The following NHS variants were observed in gnomAD, a reference collection of about 807,000 sequenced individuals.
The protein encoded by NHS is NHS actin remodeling regulator.
Under a neutral mutation model 72.5 loss-of-function variants are expected in NHS, and 5 were observed. That is an observed-to-expected ratio of 0.07 (90% confidence interval 0.04 to 0.14). NHS has a LOEUF of 0.14. Ranked by LOEUF, NHS falls within the 10% of genes least tolerant of loss-of-function variation. The pLI is 1.00. For missense variants in NHS, 1,072 were observed against 1,355.7 expected, an observed-to-expected ratio of 0.79 and a Z score of 3.29; for synonymous variants, 464 against 547.7, an observed-to-expected ratio of 0.85 and a Z score of 2.13.
intron 1 of NHS, among the ~76,000 whole-genome samples, chrX:17,488,259 T>C (rs2146914521): frequency 8.9e-6 from 1 of 112,109 alleles, no homozygotes. Flanking sequence ...TCTGTCATAC[T>C]AGAGTCAGGG....
chrX:17,612,941 G>C (rs1764758291), intron 1 of NHS, among the ~76,000 whole-genome samples: 1 of 111,332 alleles, frequency 9.0e-6, no homozygotes, highest in African/African-American at 3.3e-5. Flanking sequence ...CATCCCCTTG[G>C]CTGCCTGTGT....
intron 1 of NHS, among the ~76,000 whole-genome samples, chrX:17,564,983 ATT>A (rs761329234): frequency 2.3e-5 from 2 of 86,204 alleles, no homozygotes; most frequent in Admixed American, 1.2e-4. Context: ...TTTTTTATTT[ATT>A]TTTTTTTTTT....
chrX:17,536,108 C>A (rs959024451), intron 1 of NHS, among the ~76,000 whole-genome samples: 3 of 112,037 alleles, frequency 2.7e-5, no homozygotes, highest in Non-Finnish European at 5.6e-5. Context: ...GTAATCCCAG[C>A]ACTTTGGGAG....
chrX:17,534,453 G>C (rs761924569), intron 1 of NHS, among the ~76,000 whole-genome samples: 15 of 110,895 alleles, frequency 1.4e-4, no homozygotes, highest in Non-Finnish European at 2.5e-4. Flanking sequence ...GTGGATTTTT[G>C]TGTTGCTGTA....
intron 1 of NHS, among the ~76,000 whole-genome samples, chrX:17,602,857 T>C (rs1166203179): frequency 9.8e-6 from 1 of 101,606 alleles, no homozygotes; most frequent in Non-Finnish European, 2.0e-5. Flanking sequence ...TTTTTTTTTT[T>C]AAAGACGGGG....
At chrX:17,612,884 A>G (rs1243163653) in intron 1 of NHS, among the ~76,000 whole-genome samples, 1 of 111,406 alleles carries the variant, frequency 9.0e-6, no homozygotes, top group African/African-American at 3.3e-5. Context: ...AGAGCCTTGC[A>G]AGGCATTTCT....
intron 1 of NHS, among the ~76,000 whole-genome samples, chrX:17,561,582 A>G (rs968404756): frequency 0.011 from 1,000 of 94,433 alleles, 5 homozygotes; most frequent in Non-Finnish European, 0.017. Flanking sequence ...GCGCACACAC[A>G]CACACACACA....
intron 1 of NHS, among the ~76,000 whole-genome samples, chrX:17,658,517 G>A (rs969970379): frequency 1.8e-5 from 2 of 111,843 alleles, no homozygotes; most frequent in African/African-American, 6.5e-5. Context: ...TTAAGATAGA[G>A]ATCGTGACTG....
At chrX:17,427,391 C>T (rs912068692) in intron 1 of NHS, among the ~76,000 whole-genome samples, 3 of 112,148 alleles carry the variant, frequency 2.7e-5, no homozygotes, top group Non-Finnish European at 5.6e-5. Flanking sequence ...CCCTCTCTAC[C>T]GAAATGTACA....
chrX:17,565,144 C>T (rs1189156571), intron 1 of NHS, among the ~76,000 whole-genome samples: 4 of 111,073 alleles, frequency 3.6e-5, no homozygotes, highest in Non-Finnish European at 7.5e-5. Context: ...TTGTGGCGTC[C>T]ACCTTGTAGT....
intron 1 of NHS, among the ~76,000 whole-genome samples, chrX:17,655,817 G>A (rs999445686): frequency 1.8e-5 from 2 of 112,976 alleles, no homozygotes; most frequent in African/African-American, 3.2e-5. Context: ...AGCAGTGGAG[G>A]GGCCGATGCC....
chrX:17,405,889 C>T (rs2064527092), intron 1 of NHS, among the ~76,000 whole-genome samples: 1 of 112,245 alleles, frequency 8.9e-6, no homozygotes, highest in African/African-American at 3.2e-5. Flanking sequence ...TCCCTGAGGC[C>T]ATGCTTCCTC....
At chrX:17,379,555 G>A (rs191995121) in intron 1 of NHS, among the ~76,000 whole-genome samples, 3,205 of 111,587 alleles carry the variant, frequency 0.029, 116 homozygotes, top group African/African-American at 0.099. Flanking sequence ...CGGGCAGATC[G>A]CCTGAGGTCA....
chrX:17,452,184 G>A (rs1482316451), intron 1 of NHS, among the ~76,000 whole-genome samples: 1 of 111,758 alleles, frequency 8.9e-6, no homozygotes, highest in African/African-American at 3.3e-5. Context: ...AGCAGTAGGT[G>A]AAAGGGTTTC....
chrX:17,446,353 C>G (rs1264267250), intron 1 of NHS, among the ~76,000 whole-genome samples: 3 of 111,244 alleles, frequency 2.7e-5, no homozygotes, highest in South Asian at 7.7e-4. Context: ...GTGACCCGCA[C>G]GTATACATCC....
intron 1 of NHS, among the ~76,000 whole-genome samples, chrX:17,579,160 T>C (rs1171674848): frequency 8.9e-6 from 1 of 112,439 alleles, no homozygotes; most frequent in Non-Finnish European, 1.9e-5. Context: ...CATATCATTC[T>C]GGCCGGGAAG....
intron 1 of NHS, among the ~76,000 whole-genome samples, chrX:17,600,139 A>G (rs1049143905): frequency 8.9e-6 from 1 of 112,009 alleles, no homozygotes; most frequent in African/African-American, 3.2e-5. Flanking sequence ...AGGTATATGG[A>G]TAAAAAGGCC....
intron 1 of NHS, among the ~76,000 whole-genome samples, chrX:17,677,449 G>A (rs894560758): frequency 9.0e-6 from 1 of 111,024 alleles, no homozygotes; most frequent in African/African-American, 3.3e-5. Flanking sequence ...TCAAACACTA[G>A]GCCATGTGTA....
At chrX:17,664,360 C>T (rs1379088016) in intron 1 of NHS, among the ~76,000 whole-genome samples, 2 of 111,614 alleles carry the variant, frequency 1.8e-5, no homozygotes, top group African/African-American at 3.3e-5. Flanking sequence ...CCCTAATTAC[C>T]GGTTGTGTAT....
Sources: gnomAD v4.1 joint callset for allele counts (sites outside exome capture counted in the v4.1 genomes callset) on GRCh38, gnomAD v4.1.1 for gene constraint, MANE v1.5 for transcripts, NCBI Gene and HGNC (gene_info 2026-07-23, HGNC 2026-07-21) for gene names.